BOK: variants seen among roughly 807,000 people sequenced by gnomAD.
BOK encodes BCL2 family apoptosis regulator BOK.
In BOK, 20 loss-of-function variants were observed where a neutral mutation model predicts 18.3. The observed-to-expected ratio is 1.09, with a 90% confidence interval of 0.77 to 1.59. The LOEUF is 1.59. Ranked by LOEUF, BOK falls within the 40% of genes most tolerant of loss-of-function variation. The pLI, the probability that BOK is intolerant of heterozygous loss-of-function variation, is 0.00. For missense variants in BOK, 348 were observed against 307.9 expected, an observed-to-expected ratio of 1.13 and a Z score of -0.97; for synonymous variants, 173 against 142.4, an observed-to-expected ratio of 1.21 and a Z score of -1.53.
chr2:241,565,708 G>A (rs2125050902), intron 3 of BOK, among the ~76,000 whole-genome samples: 1 of 152,306 alleles, frequency 6.6e-6, no homozygotes, highest in East Asian at 1.9e-4. Flanking sequence ...GCCGTGTGAG[G>A]GCTGCAGGGC....
upstream of BOK, among the ~76,000 whole-genome samples, chr2:241,558,523 A>T (rs1316587259): frequency 6.6e-6 from 1 of 152,262 alleles, no homozygotes; most frequent in African/African-American, 2.4e-5. Flanking sequence ...CGAAGAAGAC[A>T]ACCCAATTTT....
chr2:241,571,034 C>T (rs1296038242), intron 4 of BOK, among the ~76,000 whole-genome samples: 1 of 102,120 alleles, frequency 9.8e-6, no homozygotes, highest in African/African-American at 3.9e-5. Context: ...TGCAGAGGTA[C>T]GGGAGGGAGT....
chr2:241,570,167 C>CGG lies in BOK; in HGVS notation c.395_396dup (p.Leu133GlyfsTer7). 2 of 1,611,018 alleles carry CGG rather than the reference C, an allele frequency of 1.2e-6. No homozygotes were observed. The highest frequency in any genetic ancestry group is 1.7e-6 in the Non-Finnish European group (2 of 1,179,194). On this transcript the variant is annotated frameshift_variant, in exon 4 of 5. Transcript: ENST00000318407. LOFTEE classifies it high-confidence loss of function. ...GTGGTGTCCCTGTATGCGGTGGCCG[C>CGG]GGGGCTGGCCGTGGACTGTGTGAGG...
In BOK at chr2:241,559,455, G is replaced by A; in HGVS notation, c.-29G>A. 2 of 1,423,402 alleles carry A rather than the reference G, an allele frequency of 1.4e-6. No homozygotes were observed. The highest frequency in any genetic ancestry group is 1.8e-6 in the Non-Finnish European group (2 of 1,091,622). 88.2% of individuals were successfully genotyped at this position (1,423,402 alleles called of 1,614,324 possible). A position where few individuals can be genotyped will look rare whatever the true frequency, so the allele number is the denominator to read the frequency against. Reference sequence around the variant, plus strand: ...CCCGGCTGAGCGCTTGTGCCCGCAGGTGCGGCGCCCCCCACCCGCGTCGCC... The same window carrying A: ...CCCGGCTGAGCGCTTGTGCCCGCAGATGCGGCGCCCCCCACCCGCGTCGCC... On this transcript the variant is annotated splice_region_variant and 5_prime_UTR_variant, in exon 2 of 5. In the 5' UTR this introduces an upstream ATG that the reference lacks. Coordinates refer to ENST00000318407, the MANE Select transcript of BOK (RefSeq NM_032515.5).
chr2:241,554,426 A>C (rs1204580749), upstream of BOK, among the ~76,000 whole-genome samples: 2 of 152,200 alleles, frequency 1.3e-5, no homozygotes, highest in Non-Finnish European at 2.9e-5. Context: ...GCCTTGAGTG[A>C]GCAGGCTCTT....
upstream of BOK, among the ~76,000 whole-genome samples, chr2:241,557,816 T>C (rs150464586): frequency 3.9e-5 from 6 of 152,350 alleles, no homozygotes; most frequent in African/African-American, 9.6e-5. Flanking sequence ...TTTTCTGTTA[T>C]TGACTTTTAA....
chr2:241,572,023 C>T lies in BOK; in HGVS notation c.514-274C>T, dbSNP rs554994182. Among the ~76,000 whole-genome samples the T allele has an allele frequency of 3.3e-5, 5 of 152,324 alleles. No individual in the cohort carries two copies. In the East Asian group the frequency reaches 9.7e-4, roughly 29 times the overall value. On this transcript the variant is annotated intron_variant, in intron 4 of 4. Transcript: ENST00000318407. ...GGGCCATGAAGGCCTCTCTCCTGCT[C>T]GGCAGGGGCCCTCCGGCCGGCCTGC...
Position 241,572,560 on chromosome 2 carries a change from C to T in BOK, c.*138C>T. 1.5e-6 allele frequency: 2 copies of T among 1,341,042 alleles called. No homozygotes were observed. The highest frequency in any genetic ancestry group is 5.1e-5 in the East Asian group (2 of 39,506). The allele number at this position is 1,341,042 out of a possible 1,614,324, so 83.1% of individuals were successfully genotyped here. On this transcript the variant is annotated 3_prime_UTR_variant, in exon 5 of 5. Transcript: ENST00000318407. ...CGGAGACCCCCTAAGCCCCGTTCCT[C>T]CGCAGACCCAGGCCCTCCGGAAGGG...
rs200898291 is a variant in BOK, at chr2:241,562,437, G to C, written c.310G>C (p.Asp104His). ...CCTGCAGTCTGAGCCTGTGGTGACC[G>C]ATGCGTTCCTGGCCGTGGCTGGCCA... ...ISLQSEPVVT[D>H]AFLAVAGHIF... Residue 104 changes from aspartate (D) to histidine (H), a missense_variant, in exon 3 of 5, where the codon GAT (aspartate) becomes CAT (histidine). Coordinates refer to ENST00000318407, the MANE Select transcript of BOK (RefSeq NM_032515.5). This position sits in a 1 kb window ranked among gnomAD's most constrained non-coding sequence, Gnocchi z 4.5. 6.2e-7 allele frequency: 1 copy of C among 1,612,138 alleles called. No individual in the cohort carries two copies.
chr2:241,556,815 G>T (rs1218790897), upstream of BOK, among the ~76,000 whole-genome samples: 1 of 152,112 alleles, frequency 6.6e-6, no homozygotes, highest in East Asian at 1.9e-4. Context: ...TATGAGACTG[G>T]TGGTATTTTT....
chr2:241,557,873 A>G (rs958893073), upstream of BOK, among the ~76,000 whole-genome samples: 1 of 152,324 alleles, frequency 6.6e-6, no homozygotes, highest in Admixed American at 6.5e-5. Context: ...AGATTTGCTG[A>G]GACTTGTATA....
Position 241,572,445 on chromosome 2 carries a change from C to A in BOK, c.*23C>A. 3 of 1,588,324 alleles carry A rather than the reference C, an allele frequency of 1.9e-6. No homozygotes were observed. Among genetic ancestry groups the A allele is most frequent in the Non-Finnish European group, 2.6e-6 (3 of 1,174,584 alleles). Reference sequence around the variant, plus strand: ...TGAGCTGCCCACCTGGCAGTGGCCGCAGCCTGGCCCTCTGGGCCCAACGCA... The same window carrying A: ...TGAGCTGCCCACCTGGCAGTGGCCGAAGCCTGGCCCTCTGGGCCCAACGCA... On this transcript the variant is annotated 3_prime_UTR_variant, in exon 5 of 5. Coordinates refer to ENST00000318407, the MANE Select transcript of BOK (RefSeq NM_032515.5).
In BOK at chr2:241,562,068, C is replaced by T. The variant is rs1007803638; in HGVS notation, c.221-280C>T. Among the ~76,000 whole-genome samples, 6 of 152,372 alleles carry T rather than the reference C, an allele frequency of 3.9e-5. No individual in the cohort carries two copies. Among genetic ancestry groups the T allele is most frequent in the Middle Eastern group, 3.4e-3 (1 of 294 alleles). On this transcript the variant is annotated intron_variant, in intron 2 of 4. Coordinates refer to ENST00000318407, the MANE Select transcript of BOK (RefSeq NM_032515.5). The surrounding 1 kb of genome is among the most constrained non-coding windows in gnomAD (Gnocchi z 4.5). ...CGCTCTCGCAGGATTCCCGCCCCACCGGCTTGGCCGGCTAGGCTTAGGGGC... is the reference window on the plus strand; with the variant it reads ...CGCTCTCGCAGGATTCCCGCCCCACTGGCTTGGCCGGCTAGGCTTAGGGGC...
At chr2:241,571,033 A>G (rs1461196788) in intron 4 of BOK, among the ~76,000 whole-genome samples, 2 of 142,114 alleles carry the variant, frequency 1.4e-5, no homozygotes, top group Non-Finnish European at 3.0e-5. Context: ...GTGCAGAGGT[A>G]CGGGAGGGAG....
intron 3 of BOK, among the ~76,000 whole-genome samples, chr2:241,567,125 A>C (rs943450495): frequency 1.6e-5 from 2 of 124,154 alleles, no homozygotes; most frequent in South Asian, 2.8e-4. Flanking sequence ...TGTTGCCATC[A>C]CTCGGAACAT....
At chr2:241,552,862 G>A (rs2125040382) in intron 1 of BOK, among the ~76,000 whole-genome samples, 1 of 152,358 alleles carries the variant, frequency 6.6e-6, no homozygotes, top group African/African-American at 2.4e-5. Context: ...GAGGCAGCCT[G>A]CAGTGACCGG....
intron 3 of BOK, among the ~76,000 whole-genome samples, chr2:241,564,872 C>T (rs1196208908): frequency 1.3e-5 from 2 of 152,194 alleles, no homozygotes; most frequent in Non-Finnish European, 2.9e-5. Flanking sequence ...AATGCAGCAG[C>T]CTGCCCAGAG....
intron 4 of BOK, among the ~76,000 whole-genome samples, chr2:241,572,090 T>C (rs1297085524): frequency 6.6e-6 from 1 of 152,218 alleles, no homozygotes; most frequent in Non-Finnish European, 1.5e-5. Flanking sequence ...TCCTGGCCCT[T>C]CACACTGTCT....
intron 4 of BOK, among the ~76,000 whole-genome samples, chr2:241,571,260 A>C (rs1432835585): frequency 2.0e-5 from 3 of 147,808 alleles, no homozygotes. Context: ...GTCAGAGCCA[A>C]ACCCTTCCTC....
Sources: allele counts gnomAD v4.1 joint callset (sites outside exome capture counted in the v4.1 genomes callset), GRCh38; gene constraint gnomAD v4.1.1; non-coding constraint Gnocchi (gnomAD v3.1); transcripts MANE v1.5; gene names NCBI Gene and HGNC (gene_info 2026-07-23, HGNC 2026-07-21).